The following COL26A1 variants were observed in gnomAD, a reference collection of about 807,000 sequenced individuals.
COL26A1 encodes collagen alpha-1(XXVI) chain.
A neutral mutation model predicts 59.3 loss-of-function variants in COL26A1; 41 were observed. That is an observed-to-expected ratio of 0.69 (90% CI 0.54 to 0.90). COL26A1 has a LOEUF of 0.90. Ranked by LOEUF, COL26A1 falls within the 40% of genes least tolerant of loss-of-function variation. The pLI is 0.00. For missense variants in COL26A1, 612 were observed against 602.3 expected, an observed-to-expected ratio of 1.02 and a Z score of -0.17; for synonymous variants, 266 against 256.0, an observed-to-expected ratio of 1.04 and a Z score of -0.37.
intron 3 of COL26A1, among the ~76,000 whole-genome samples, chr7:101,489,754 C>CTCTCTTTCTTTCTT (rs1794374671): frequency 2.1e-5 from 1 of 47,494 alleles, no homozygotes; most frequent in Non-Finnish European, 4.0e-5. Flanking sequence ...TCTTTCTTGT[C>CTCTCTTTCTTTCTT]TCTCTTTCTT....
chr7:101,449,116 T>C (rs1414397041), intron 3 of COL26A1, among the ~76,000 whole-genome samples: 1 of 152,120 alleles, frequency 6.6e-6, no homozygotes, highest in Non-Finnish European at 1.5e-5. Flanking sequence ...GCTATCCTTG[T>C]TGGAGGTTCC....
intron 1 of COL26A1, among the ~76,000 whole-genome samples, chr7:101,374,546 A>G (rs1472981888): frequency 2.6e-5 from 4 of 152,076 alleles, no homozygotes; most frequent in Non-Finnish European, 5.9e-5. Context: ...GTAGATTTTC[A>G]TAGGAGCTCC....
At chr7:101,455,041 CTTT>C (rs56039517) in intron 3 of COL26A1, among the ~76,000 whole-genome samples, 9,003 of 133,848 alleles carry the variant, frequency 0.067, 520 homozygotes, top group African/African-American at 0.18. Context: ...TTTTCTTTAT[CTTT>C]TTTTTTTTTT....
intron 3 of COL26A1, among the ~76,000 whole-genome samples, chr7:101,527,010 GC>G (rs1183891162): frequency 6.6e-6 from 1 of 152,028 alleles, no homozygotes; most frequent in Non-Finnish European, 1.5e-5. Flanking sequence ...TACATCTCCA[GC>G]CCAGGCTGGA....
At chr7:101,425,058 G>A (rs975762040) in intron 2 of COL26A1, among the ~76,000 whole-genome samples, 3 of 151,944 alleles carry the variant, frequency 2.0e-5, no homozygotes, top group African/African-American at 7.3e-5. Flanking sequence ...GAGTAGCTGG[G>A]ACTACAGGCA....
At chr7:101,396,031 G>A (rs1791847555) in intron 1 of COL26A1, among the ~76,000 whole-genome samples, 3 of 152,170 alleles carry the variant, frequency 2.0e-5, no homozygotes, top group African/African-American at 7.2e-5. Context: ...GTTGCAGTGG[G>A]AGGATTGCTT....
intron 1 of COL26A1, among the ~76,000 whole-genome samples, chr7:101,408,393 G>A (rs543158786): frequency 6.6e-6 from 1 of 152,324 alleles, no homozygotes; most frequent in South Asian, 2.1e-4. Flanking sequence ...CCAGTCACAG[G>A]ATGGAGGGTG....
intron 4 of COL26A1, among the ~76,000 whole-genome samples, chr7:101,538,128 C>A (rs1026383424): frequency 1.3e-5 from 2 of 152,170 alleles, no homozygotes; most frequent in Admixed American, 6.5e-5. Context: ...CATCCCAGGC[C>A]CCTTCCATCA....
chr7:101,416,990 C>T (rs1792384842), intron 1 of COL26A1, among the ~76,000 whole-genome samples: 1 of 151,996 alleles, frequency 6.6e-6, no homozygotes, highest in Admixed American at 6.6e-5. Flanking sequence ...TATCCACCCG[C>T]CTCAGCCTCC....
At chr7:101,473,209 A>G (rs894084751) in intron 3 of COL26A1, among the ~76,000 whole-genome samples, 5 of 151,848 alleles carry the variant, frequency 3.3e-5, no homozygotes, top group African/African-American at 1.2e-4. Flanking sequence ...CCTCCCGAGT[A>G]GCTGGGACTA....
intron 3 of COL26A1, among the ~76,000 whole-genome samples, chr7:101,503,191 C>A (rs916665965): frequency 2.0e-5 from 3 of 152,184 alleles, no homozygotes; most frequent in African/African-American, 7.2e-5. Context: ...TCTGTGGGGT[C>A]CCCTCTCGCC....
In COL26A1 at chr7:101,510,321, C is replaced by T. The variant is rs539462857; in HGVS notation, c.386-22761C>T. ...GATTACAGGCGTGAGCCACTGCACC[C>T]GGCCTCTCAGAGGAGCCTTTTAAAG... On this transcript the variant is annotated intron_variant, in intron 3 of 12. Coordinates refer to ENST00000313669, the MANE Select transcript of COL26A1 (RefSeq NM_001278563.3). 2.0e-5 allele frequency among the ~76,000 whole-genome samples: 3 copies of T among 151,118 alleles called. No individual in the cohort carries two copies. The East Asian group carries it at 6.0e-4, about 30-fold the overall frequency.
At chr7:101,513,048 C>A (rs1386683747) in intron 3 of COL26A1, among the ~76,000 whole-genome samples, 1 of 151,820 alleles carries the variant, frequency 6.6e-6, no homozygotes, top group Non-Finnish European at 1.5e-5. Context: ...GCTCTGTCGC[C>A]CAGACTAGAG....
chr7:101,437,369 TGAATGGGGGCGGAGTTCC>T (rs1365430745), intron 2 of COL26A1, among the ~76,000 whole-genome samples: 47 of 140,796 alleles, frequency 3.3e-4, no homozygotes, highest in African/African-American at 1.2e-3. Flanking sequence ...AGTGGAGTCC[TGAATGGGGGCGGAGTTCC>T]GAATGGGGGG....
At chr7:101,395,236 C>T (rs1299182089) in intron 1 of COL26A1, among the ~76,000 whole-genome samples, 1 of 152,132 alleles carries the variant, frequency 6.6e-6, no homozygotes, top group African/African-American at 2.4e-5. Flanking sequence ...GAGATCTCTT[C>T]TGAAAGGGAG....
At chr7:101,504,985 C>T (rs934672388) in intron 3 of COL26A1, among the ~76,000 whole-genome samples, 1 of 152,162 alleles carries the variant, frequency 6.6e-6, no homozygotes, top group African/African-American at 2.4e-5. Context: ...GAGACCCCAT[C>T]TCTACTAAAA....
chr7:101,505,655 TCA>T, intron 3 of COL26A1, among the ~76,000 whole-genome samples: 1 of 152,336 alleles, frequency 6.6e-6, no homozygotes, highest in South Asian at 2.1e-4. Flanking sequence ...TCTAGTCTTT[TCA>T]CATTCTTCTG....
At chr7:101,553,410 C>A (rs555209140) in intron 11 of COL26A1, 34 bp downstream of exon 11, 1 of 1,605,424 alleles carries the variant, frequency 6.2e-7, no homozygotes, top group South Asian at 1.1e-5. Context: ...TCCCTCCCGC[C>A]TCCTTGGCTG....
At chr7:101,495,943 A>C (rs1034772048) in intron 3 of COL26A1, among the ~76,000 whole-genome samples, 1 of 151,932 alleles carries the variant, frequency 6.6e-6, no homozygotes, top group Non-Finnish European at 1.5e-5. Flanking sequence ...AAAATAAAAA[A>C]AATTAGCCAG....
Sources: allele counts gnomAD v4.1 joint callset (sites outside exome capture counted in the v4.1 genomes callset), GRCh38; gene constraint gnomAD v4.1.1; transcripts MANE v1.5; gene names NCBI Gene and HGNC (gene_info 2026-07-23, HGNC 2026-07-21).